The following GMDS variants were observed in gnomAD, a reference collection of about 807,000 sequenced individuals.
GMDS encodes GDP-mannose 4,6-dehydratase.
In GMDS, 20 loss-of-function variants were observed where a neutral mutation model predicts 49.9. The ratio of observed to expected loss-of-function variants is 0.40; its 90% CI spans 0.28 to 0.58. GMDS has a LOEUF of 0.58. Ranked by LOEUF, GMDS falls within the 20% of genes least tolerant of loss-of-function variation. The pLI, the probability that GMDS is intolerant of heterozygous loss-of-function variation, is 0.42. For missense variants in GMDS, 362 were observed against 481.4 expected, an observed-to-expected ratio of 0.75 and a Z score of 2.32; for synonymous variants, 177 against 178.6, an observed-to-expected ratio of 0.99 and a Z score of 0.07.
At chr6:1,997,576 A>G (rs1766372046) in intron 4 of GMDS, among the ~76,000 whole-genome samples, 1 of 151,888 alleles carries the variant, frequency 6.6e-6, no homozygotes, top group East Asian at 1.9e-4. Context: ...TTTGGACAGA[A>G]ATCATCAGTG....
At chr6:2,225,984 C>T (rs1025802926) in intron 1 of GMDS, among the ~76,000 whole-genome samples, 1 of 151,934 alleles carries the variant, frequency 6.6e-6, no homozygotes, top group Non-Finnish European at 1.5e-5. Context: ...TGCTCCCATT[C>T]CAGCCCCTGA....
intron 9 of GMDS, among the ~76,000 whole-genome samples, chr6:1,643,374 G>A (rs1260751745): frequency 1.1e-4 from 17 of 152,278 alleles, no homozygotes; most frequent in East Asian, 3.9e-4. Context: ...GACTGCCCAC[G>A]GGGCAGCTGA....
At chr6:2,161,447 T>C (rs1777396871) in intron 1 of GMDS, among the ~76,000 whole-genome samples, 4 of 152,222 alleles carry the variant, frequency 2.6e-5, no homozygotes. Flanking sequence ...CTACTGTATC[T>C]ACCATCTGAC....
At chr6:1,989,717 C>T (rs1358842693) in intron 4 of GMDS, among the ~76,000 whole-genome samples, 1 of 152,196 alleles carries the variant, frequency 6.6e-6, no homozygotes. Context: ...TGCTACCCCT[C>T]GGCCTGACCC....
chr6:1,958,290 T>A (rs1763752784), intron 6 of GMDS, among the ~76,000 whole-genome samples: 1 of 152,006 alleles, frequency 6.6e-6, no homozygotes, highest in Non-Finnish European at 1.5e-5. Flanking sequence ...ACAATTAACT[T>A]TTATTTTTTT....
chr6:1,773,666 T>C (rs575320853), intron 7 of GMDS, among the ~76,000 whole-genome samples: 2 of 152,316 alleles, frequency 1.3e-5, no homozygotes, highest in South Asian at 4.1e-4. Flanking sequence ...CCAGTTCTCC[T>C]TGGGGAGTGT....
At chr6:1,754,809 C>T (rs1264169227) in intron 7 of GMDS, among the ~76,000 whole-genome samples, 1 of 152,152 alleles carries the variant, frequency 6.6e-6, no homozygotes, top group African/African-American at 2.4e-5. Context: ...GCAGAAAGGG[C>T]CTTCGATAAA....
chr6:1,844,274 A>G (rs1218349754), intron 7 of GMDS, among the ~76,000 whole-genome samples: 1 of 152,244 alleles, frequency 6.6e-6, no homozygotes, highest in African/African-American at 2.4e-5. Context: ...TGAAGCTTAA[A>G]AAAATCTAAA....
At chr6:2,151,295 T>A (rs1164373330) in intron 1 of GMDS, among the ~76,000 whole-genome samples, 6 of 150,912 alleles carry the variant, frequency 4.0e-5, no homozygotes, top group Middle Eastern at 3.5e-3. Context: ...ATAAATCACT[T>A]AATATGTACC....
chr6:1,668,565 C>T (rs1382724645), intron 9 of GMDS, among the ~76,000 whole-genome samples: 6 of 152,060 alleles, frequency 3.9e-5, no homozygotes, highest in Admixed American at 3.9e-4. Flanking sequence ...CAAAAATTAG[C>T]TGGGTGTGGT....
chr6:2,034,720 C>CA (rs1443512970), intron 4 of GMDS, among the ~76,000 whole-genome samples: 2 of 152,132 alleles, frequency 1.3e-5, no homozygotes, highest in Non-Finnish European at 2.9e-5. Flanking sequence ...TCTGCGAAGC[C>CA]AAAACTATTA....
intron 9 of GMDS, among the ~76,000 whole-genome samples, chr6:1,694,598 TAC>T (rs1479717308): frequency 6.6e-6 from 1 of 152,098 alleles, no homozygotes; most frequent in African/African-American, 2.4e-5. Context: ...CATGTGTGTA[TAC>T]ACACACGTCT....
chr6:1,853,409 T>TG (rs1554126787), intron 7 of GMDS, among the ~76,000 whole-genome samples: 3 of 142,158 alleles, frequency 2.1e-5, no homozygotes, highest in Non-Finnish European at 4.4e-5. Flanking sequence ...TCCCAGCTAC[T>TG]GGGGAGGCTG....
At chr6:1,740,983 CA>C in intron 8 of GMDS, among the ~76,000 whole-genome samples, 1 of 152,242 alleles carries the variant, frequency 6.6e-6, no homozygotes, top group South Asian at 2.1e-4. Context: ...TATATTGAGA[CA>C]AAATGTTCAC....
At chr6:1,967,575 T>TA (rs1444448462) in intron 4 of GMDS, among the ~76,000 whole-genome samples, 1 of 152,172 alleles carries the variant, frequency 6.6e-6, no homozygotes, top group Non-Finnish European at 1.5e-5. Flanking sequence ...TTTTCACAGT[T>TA]ACGCTATATA....
At chr6:2,092,544 C>T (rs1003034085) in intron 4 of GMDS, among the ~76,000 whole-genome samples, 5 of 152,100 alleles carry the variant, frequency 3.3e-5, no homozygotes, top group African/African-American at 7.2e-5. Flanking sequence ...ATAATTTTAG[C>T]GCATTTATTG....
At chr6:2,083,170 C>G (rs1772812868) in intron 4 of GMDS, among the ~76,000 whole-genome samples, 1 of 152,168 alleles carries the variant, frequency 6.6e-6, no homozygotes, top group Non-Finnish European at 1.5e-5. Flanking sequence ...GGCACTGTGG[C>G]TTTTAATCAA....
At chr6:1,678,322 A>G (rs1483350561) in intron 9 of GMDS, among the ~76,000 whole-genome samples, 1 of 152,138 alleles carries the variant, frequency 6.6e-6, no homozygotes, top group African/African-American at 2.4e-5. Context: ...GCCCTTAGTC[A>G]ATCACCCTCC....
chr6:1,642,187 A>G (rs1763351945), intron 9 of GMDS, among the ~76,000 whole-genome samples: 1 of 146,096 alleles, frequency 6.8e-6, no homozygotes. Flanking sequence ...TTAAGAAAAA[A>G]ATAGAGTCTC....
Sources: gnomAD v4.1 joint callset for allele counts (sites outside exome capture counted in the v4.1 genomes callset) on GRCh38, gnomAD v4.1.1 for gene constraint, MANE v1.5 for transcripts, NCBI Gene and HGNC (gene_info 2026-07-23, HGNC 2026-07-21) for gene names.